The following IMPDH1 variants were observed in gnomAD, a reference collection of about 807,000 sequenced individuals.
The protein encoded by IMPDH1 is inosine monophosphate dehydrogenase 1, also known as inosine-5'-monophosphate dehydrogenase 1.
In IMPDH1, 41 loss-of-function variants were observed where a neutral mutation model predicts 73.5. That is an observed-to-expected ratio of 0.56 (90% CI 0.43 to 0.72). IMPDH1 has a LOEUF of 0.72. Among genes scored for constraint, IMPDH1 ranks in the 30% least tolerant of loss-of-function variants. The pLI is 0.00. For missense variants in IMPDH1, 645 were observed against 824.8 expected, an observed-to-expected ratio of 0.78 and a Z score of 2.67; for synonymous variants, 318 against 334.3, an observed-to-expected ratio of 0.95 and a Z score of 0.53.
At chr7:128,404,725 G>A (rs1328423414) in intron 4 of IMPDH1, among the ~76,000 whole-genome samples, 1 of 152,120 alleles carries the variant, frequency 6.6e-6, no homozygotes, top group Non-Finnish European at 1.5e-5. Context: ...CTGTATCAAA[G>A]GTGGGCTTTC....
Position 128,398,603 on chromosome 7 carries a change from A to G in IMPDH1, c.885T>C (p.Pro295=). The G allele has an allele frequency of 6.2e-7, 1 of 1,612,780 alleles. No individual in the cohort carries two copies. Among genetic ancestry groups the G allele is most frequent in the Non-Finnish European group, 8.5e-7 (1 of 1,179,032 alleles). Residue 295 remains proline, a synonymous_variant, in exon 10 of 17, where the codon CCT becomes CCC. Transcript: ENST00000338791. This position sits in a 1 kb window ranked among gnomAD's most constrained non-coding sequence, Gnocchi z 4.3. Reference sequence around the variant, plus strand: ...CCAGCTCATCGCAATCATTGACGATAGGCAGCTTCCCTGACAAGGAATGCA... The same window carrying G: ...CCAGCTCATCGCAATCATTGACGATGGGCAGCTTCCCTGACAAGGAATGCA... ...ILQRSKKGKL[P]IVNDCDELVA...
chr7:128,397,869 A>T (rs1798039157), intron 10 of IMPDH1, among the ~76,000 whole-genome samples: 2 of 152,174 alleles, frequency 1.3e-5, no homozygotes, highest in African/African-American at 4.8e-5. Flanking sequence ...CCAATTTTTC[A>T]TCCTTCGTTC....
chr7:128,400,035 A>G (rs1250472445), intron 9 of IMPDH1, 60 bp downstream of exon 9: 2 of 1,310,100 alleles, frequency 1.5e-6, no homozygotes, highest in East Asian at 4.6e-5. Flanking sequence ...GTGAAGGAAC[A>G]ACGGGACTGT....
rs147491964 is a variant in IMPDH1, at chr7:128,397,003, G to A, written c.1094C>T (p.Ser365Leu). 3.1e-6 allele frequency: 5 copies of A among 1,613,688 alleles called. No individual in the cohort carries two copies. The highest frequency in any genetic ancestry group is 1.7e-5 in the Admixed American group (1 of 60,028). ...VIVLDSSQGN[S>L]VYQIAMVHYI... ...ATGCACCATGGCGATCTGATACACCGAATTCCCTTGGGACGAGTCCTGTGA... is the reference window on the plus strand; with the variant it reads ...ATGCACCATGGCGATCTGATACACCAAATTCCCTTGGGACGAGTCCTGTGA... Residue 365 changes from serine to leucine, a missense_variant, in exon 11 of 17, where the codon TCG becomes TTG. Physicochemically the swap from Ser to Leu is moderately radical, Grantham distance 145. Transcript: ENST00000338791.
At position 128,398,999 on chromosome 7, in the gene IMPDH1, G is replaced by A. The variant is rs1798124760; in HGVS notation, c.875-386C>T. Among the ~76,000 whole-genome samples, 1 of 152,220 alleles carries A rather than the reference G, an allele frequency of 6.6e-6. No homozygotes were observed. Among genetic ancestry groups the A allele is most frequent in the East Asian group, 1.9e-4 (1 of 5,194 alleles). On this transcript the variant is annotated intron_variant, in intron 9 of 16. Transcript: ENST00000338791. This position sits in a 1 kb window ranked among gnomAD's most constrained non-coding sequence, Gnocchi z 4.3. Reference sequence around the variant, plus strand: ...AATACAGACACCAAAGAACCCTCCAGTATGGACCAGGGAAGCATTTCCCAG... The same window carrying A: ...AATACAGACACCAAAGAACCCTCCAATATGGACCAGGGAAGCATTTCCCAG...
At chr7:128,403,413 C>T (rs533949109) in intron 5 of IMPDH1, among the ~76,000 whole-genome samples, 26 of 152,206 alleles carry the variant, frequency 1.7e-4, no homozygotes, top group Admixed American at 1.6e-3. Flanking sequence ...CAAAAATTAT[C>T]GGGGGGTTTT....
At chr7:128,401,162 G>GACA in intron 5 of IMPDH1, 46 bp from the exon 6 acceptor site, 1 of 1,429,312 alleles carries the variant, frequency 7.0e-7, no homozygotes. Context: ...TCACCCACTG[G>GACA]ACACTCACTC....
At chr7:128,409,115 C>A (rs750829117) in intron 3 of IMPDH1, among the ~76,000 whole-genome samples, 174 bp downstream of exon 3, 5 of 152,228 alleles carry the variant, frequency 3.3e-5, no homozygotes, top group African/African-American at 7.2e-5. Context: ...CTGCTGTCTC[C>A]TTTTCAGCCA....
chr7:128,406,492 G>A (rs759024165), intron 3 of IMPDH1, among the ~76,000 whole-genome samples: 2 of 151,918 alleles, frequency 1.3e-5, no homozygotes, highest in African/African-American at 2.4e-5. Context: ...AGGACTTTGA[G>A]GTTGGATCGC....
chr7:128,394,569 AC>A lies in IMPDH1; in HGVS notation c.1580del (p.Gly527ValfsTer20). The A allele has an allele frequency of 6.2e-7, 1 of 1,613,790 alleles. No individual in the cohort carries two copies. On this transcript the variant is annotated frameshift_variant, in exon 15 of 17. Coordinates refer to ENST00000338791, the MANE Select transcript of IMPDH1 (RefSeq NM_000883.4). LOFTEE classifies it high-confidence loss of function. This position sits in a 1 kb window ranked among gnomAD's most constrained non-coding sequence, Gnocchi z 5.5. ...SEGDKVKIAQ[G>X]VSGSIQDKGS... ...CTTTGTCCTGGATGGAGCCCGAGAC[AC>A]CCTGCGCGATCTTCACTTTATCCCC...
At position 128,394,295 on chromosome 7, in the gene IMPDH1, A is replaced by G. The variant is rs1435224877; in HGVS notation, c.1761T>C (p.Gly587=). Residue 587 remains glycine, a synonymous_variant, in exon 16 of 17, where the codon GGT becomes GGC. Coordinates refer to ENST00000338791, the MANE Select transcript of IMPDH1 (RefSeq NM_000883.4). The surrounding 1 kb of genome is among the most constrained non-coding windows in gnomAD (Gnocchi z 5.5). ...KRTMSAQIEG[G]VHGLHSYEKR... ...ACACTTACGAGTGCAGGCCATGGAC[A>G]CCACCCTCAATCTGGGCCGACATGG... 1 of 1,613,868 alleles carries G rather than the reference A, an allele frequency of 6.2e-7. No homozygotes were observed. Among genetic ancestry groups the G allele is most frequent in the East Asian group, 2.2e-5 (1 of 44,866 alleles).
intron 3 of IMPDH1, among the ~76,000 whole-genome samples, chr7:128,407,887 A>G (rs1320574225): frequency 6.6e-6 from 1 of 152,056 alleles, no homozygotes. Context: ...CCCAGTGATT[A>G]CAGACTTCAT....
rs549187454 is a variant in IMPDH1 at position 128,403,312 on chromosome 7, T to C, written c.402+394A>G. On this transcript the variant is annotated intron_variant, in intron 5 of 16. Coordinates refer to ENST00000338791, the MANE Select transcript of IMPDH1 (RefSeq NM_000883.4). ...TGGAATCACCCCTGTAATCACAGCG[T>C]CTTCGGAGGCTGAGGCGGACGGATC... Among the ~76,000 whole-genome samples, 15 of 152,268 alleles carry C rather than the reference T, an allele frequency of 9.9e-5. No homozygotes were observed. In the South Asian group the frequency reaches 3.1e-3, roughly 32 times the overall value.
In IMPDH1 at chr7:128,400,543, C is replaced by T. The variant is rs754409821; in HGVS notation, c.580-4G>A. 1.9e-5 allele frequency: 30 copies of T among 1,611,276 alleles called. No individual in the cohort carries two copies. In the Admixed American group the frequency reaches 2.0e-4, roughly 11 times the overall value. On this transcript the variant is annotated splice_polypyrimidine_tract_variant and splice_region_variant and intron_variant, in intron 7 of 16. Transcript: ENST00000338791. ...TGATGAAGCCCTGTTCAAACTTCTG[C>T]GGGCAGAGATGGGGGAGGAAAAGGC...
intron 3 of IMPDH1, 96 bp downstream of exon 3, chr7:128,409,193 G>T: frequency 9.0e-7 from 1 of 1,111,614 alleles, no homozygotes; most frequent in Non-Finnish European, 1.3e-6. Flanking sequence ...ACAGACCCCA[G>T]CATGGGGGCC....
chr7:128,405,712 C>G (rs955796612), intron 4 of IMPDH1, 55 bp downstream of exon 4: 10 of 1,508,878 alleles, frequency 6.6e-6, no homozygotes, highest in Non-Finnish European at 8.9e-6. Context: ...AGGGCCGGCC[C>G]GGGGGTCGCG....
At position 128,409,341 on chromosome 7, in the gene IMPDH1, C is replaced by T; in HGVS notation, c.202G>A (p.Val68Met). 1 of 1,614,238 alleles carries T rather than the reference C, an allele frequency of 6.2e-7. No homozygotes were observed. Among genetic ancestry groups the T allele is most frequent in the South Asian group, 1.1e-5 (1 of 91,088 alleles). ...ACACCAACACCTGCCAGTAAGACCA[C>T]TGAAGATAGTTCTAGGAGGAAACAG... ...PTTPRSELSS[V>M]VLLAGVGVQM... Residue 68 changes from valine (V) to methionine (M), a missense_variant, in exon 3 of 17, where the codon GTG becomes ATG. Val to Met is a conservative substitution (Grantham distance 21). Coordinates refer to ENST00000338791, the MANE Select transcript of IMPDH1 (RefSeq NM_000883.4).
At position 128,409,296 on chromosome 7, in the gene IMPDH1, T is replaced by C; in HGVS notation, c.247A>G (p.Arg83Gly). The change falls in exon 3 of 17, where the codon AGG becomes GGG. Residue 83 changes from arginine to glycine, a missense_variant. Transcript: ENST00000338791. ...AGGGGAGAGTGTCCTCACCTAGCCC[T>C]GCGAAGGCGATCCATCTGGACACCA... ...GVGVQMDRLR[R>G]ASMADYLISG... 1.2e-6 allele frequency: 2 copies of C among 1,613,896 alleles called. No individual in the cohort carries two copies. The highest frequency in any genetic ancestry group is 1.7e-6 in the Non-Finnish European group (2 of 1,179,872).
rs770351564 is a variant in IMPDH1 at position 128,394,655 on chromosome 7, C to T, written c.1551-56G>A. 210 of 1,604,728 alleles carry T rather than the reference C, an allele frequency of 1.3e-4. No individual in the cohort carries two copies. Among genetic ancestry groups the T allele is most frequent in the Non-Finnish European group, 1.8e-4 (206 of 1,176,038 alleles). On this transcript the variant is annotated intron_variant, in intron 14 of 16. Transcript: ENST00000338791. The surrounding 1 kb of genome is among the most constrained non-coding windows in gnomAD (Gnocchi z 5.5). ...AGCTTGAAGCTCAGAGGACCCCACC[C>T]CACCTCTTAAGGGCAAAAACGGGAT...
Sources: allele counts gnomAD v4.1 joint callset (sites outside exome capture counted in the v4.1 genomes callset), GRCh38; gene constraint gnomAD v4.1.1; non-coding constraint Gnocchi (gnomAD v3.1); transcripts MANE v1.5; gene names NCBI Gene and HGNC (gene_info 2026-07-23, HGNC 2026-07-21).